SLC52A3: variants seen among roughly 807,000 people sequenced by gnomAD.
SLC52A3 encodes solute carrier family 52 member 3, also known as solute carrier family 52, riboflavin transporter, member 3.
In SLC52A3, 20 loss-of-function variants were observed where a neutral mutation model predicts 29.5. The ratio of observed to expected loss-of-function variants is 0.68; its 90% CI spans 0.48 to 0.99. The LOEUF (loss-of-function observed/expected upper bound fraction) is 0.99. SLC52A3 is among the 50% of genes least tolerant of loss of function. The probability of loss-of-function intolerance (pLI) is 0.00; values close to 1 mark genes in which losing one functional copy is unlikely to be tolerated. For missense variants in SLC52A3, 548 were observed against 612.9 expected (o/e 0.89, Z 1.12); for synonymous variants, 301 against 271.0 (o/e 1.11, Z -1.09).
In SLC52A3 at chr20:763,464, C is replaced by G. The variant is rs374673660; in HGVS notation, c.1073+34G>C. 2.9e-5 allele frequency: 47 copies of G among 1,613,256 alleles called. 1 individual carries two copies. Among genetic ancestry groups the G allele is most frequent in the African/African-American group, 2.8e-4 (21 of 75,038 alleles). On this transcript the variant is annotated intron_variant, in intron 3 of 4. Coordinates refer to ENST00000645534, the MANE Select transcript of SLC52A3 (RefSeq NM_033409.4). ...TGGGTTCTGAAATGAAGTGTTCCCC[C>G]ACTAGGATTCCCTAGGACCAGATGA...
Position 765,615 on chromosome 20 carries a change from CGATGTTGGCCAGCTG to C in SLC52A3, c.145_159del (p.Gln49_Ile53del). ...TGGAGCAGGGTGACCAGGAGGGGCCCGATGTTGGCCAGCTGGATGACCACCGTGAGGTAGGAGGGC... is the reference window on the plus strand; with the variant it reads ...TGGAGCAGGGTGACCAGGAGGGGCCCGATGACCACCGTGAGGTAGGAGGGC... On this transcript the variant is annotated inframe_deletion, in exon 2 of 5. Transcript: ENST00000645534. The surrounding 1 kb of genome is among the most constrained non-coding windows in gnomAD (Gnocchi z 6.6). 1 of 1,601,120 alleles carries C rather than the reference CGATGTTGGCCAGCTG, an allele frequency of 6.2e-7. No individual in the cohort carries two copies. The highest frequency in any genetic ancestry group is 8.5e-7 in the Non-Finnish European group (1 of 1,174,748).
rs1986582046 is a variant in SLC52A3, at chr20:763,896, G to A, written c.675C>T (p.Leu225=). 1 of 1,614,134 alleles carries A rather than the reference G, an allele frequency of 6.2e-7. No homozygotes were observed. The highest frequency in any genetic ancestry group is 8.5e-7 in the Non-Finnish European group (1 of 1,180,002). ...AGCAGGCCATCATGATGGATAGGAGGAGGAAGAAGACCAGGGGTGAGAAGT... is the reference window on the plus strand; with the variant it reads ...AGCAGGCCATCATGATGGATAGGAGAAGGAAGAAGACCAGGGGTGAGAAGT... ...PAHFSPLVFF[L]LLSIMMACCL... The change falls in exon 3 of 5, where the codon CTC becomes CTT. Residue 225 remains leucine (L), a synonymous_variant. Coordinates refer to ENST00000645534, the MANE Select transcript of SLC52A3 (RefSeq NM_033409.4).
chr20:760,944 G>C lies in SLC52A3; in HGVS notation c.*82C>G, dbSNP rs1986437136. On this transcript the variant is annotated 3_prime_UTR_variant, in exon 5 of 5. Transcript: ENST00000645534. The surrounding 1 kb of genome is among the most constrained non-coding windows in gnomAD (Gnocchi z 4.9). Reference sequence around the variant, plus strand: ...TCAATTACTCAGGCTCTGTCTCTCTGTTCCTGCCCCTTGCTCTGTGACCTG... The same window carrying C: ...TCAATTACTCAGGCTCTGTCTCTCTCTTCCTGCCCCTTGCTCTGTGACCTG... 9.5e-6 allele frequency: 13 copies of C among 1,375,262 alleles called. No individual in the cohort carries two copies. Among genetic ancestry groups the C allele is most frequent in the Non-Finnish European group, 1.3e-5 (13 of 991,796 alleles). The allele number at this position is 1,375,262 out of a possible 1,614,324, so 85.2% of individuals were successfully genotyped here.
At position 765,412 on chromosome 20, in the gene SLC52A3, G is replaced by C. The variant is rs749966154; in HGVS notation, c.363C>G (p.Thr121=). Residue 121 remains threonine, a synonymous_variant, in exon 2 of 5, where the codon ACC becomes ACG. Transcript: ENST00000645534. This position sits in a 1 kb window ranked among gnomAD's most constrained non-coding sequence, Gnocchi z 6.6. ...LTFFLALVDC[T]SSVTFLPFMS... ...TGAACGGCAGGAAGGTCACTGAAGA[G>C]GTGCAGTCCACCAGGGCCAGGAAGA... The C allele has an allele frequency of 6.0e-5, 97 of 1,613,888 alleles. 1 individual carries two copies. The Admixed American group carries it at 1.6e-3, about 27-fold the overall frequency.
In SLC52A3 at chr20:765,281, G is replaced by T. The variant is rs1455836978; in HGVS notation, c.494C>A (p.Thr165Asn). ...TGATATCTCAGTGACATTGACGCAGGTAGTGAGACCGGAGCCCTGGGCAAG... is the reference window on the plus strand; with the variant it reads ...TGATATCTCAGTGACATTGACGCAGTTAGTGAGACCGGAGCCCTGGGCAAG... ...VALAQGSGLT[T>N]CVNVTEISDS... The change falls in exon 2 of 5, where the codon ACC becomes AAC. Residue 165 changes from threonine (T) to asparagine (N), a missense_variant. Physicochemically the swap from Thr to Asn is moderately conservative, Grantham distance 65 (BLOSUM62 0). Around this residue, in one of 2 missense-constraint regions of SLC52A3, gnomAD observed 375 missense variants for 471.1 expected, o/e 0.80. Coordinates refer to ENST00000645534, the MANE Select transcript of SLC52A3 (RefSeq NM_033409.4). The surrounding 1 kb of genome is among the most constrained non-coding windows in gnomAD (Gnocchi z 6.6). The T allele has an allele frequency of 1.9e-6, 3 of 1,614,212 alleles. No individual in the cohort carries two copies. The highest frequency in any genetic ancestry group is 2.5e-6 in the Non-Finnish European group (3 of 1,180,044).
At chr20:771,946 A>G (rs1192408557), upstream of SLC52A3, among the ~76,000 whole-genome samples, 1 of 152,214 alleles carries the variant, frequency 6.6e-6, no homozygotes, top group Non-Finnish European at 1.5e-5. Context: ...CGAAGGTGCA[A>G]AATAAACAAG....
chr20:776,853 T>C (rs1035847509), upstream of SLC52A3, among the ~76,000 whole-genome samples: 1 of 103,702 alleles, frequency 9.6e-6, no homozygotes, highest in African/African-American at 3.8e-5. Context: ...GCTGAATCGC[T>C]TTTGGGGGGG....
At chr20:773,344 G>A (rs917975493), upstream of SLC52A3, among the ~76,000 whole-genome samples, 1 of 152,148 alleles carries the variant, frequency 6.6e-6, no homozygotes, top group African/African-American at 2.4e-5. Context: ...CAATCCTGAG[G>A]CTGGCATTAT....
chr20:779,765 T>C (rs540433200), upstream of SLC52A3, among the ~76,000 whole-genome samples: 7 of 152,366 alleles, frequency 4.6e-5, no homozygotes, highest in Non-Finnish European at 8.8e-5. Context: ...AGACCTTATC[T>C]GCACTTCTGT....
intron 1 of SLC52A3, among the ~76,000 whole-genome samples, chr20:774,262 T>C (rs1986942737): frequency 6.6e-6 from 1 of 152,138 alleles, no homozygotes; most frequent in Non-Finnish European, 1.5e-5. Flanking sequence ...GGGTGACCCC[T>C]GGGGCAGTGC....
In SLC52A3 at chr20:765,317, G is replaced by C; in HGVS notation, c.458C>G (p.Ala153Gly). 1 of 1,614,150 alleles carries C rather than the reference G, an allele frequency of 6.2e-7. No homozygotes were observed. The highest frequency in any genetic ancestry group is 8.5e-7 in the Non-Finnish European group (1 of 1,180,006). ...VGEGLSGLLP[A>G]LVALAQGSGL... is the part of the protein sequence containing the mutation. ...GGAGCCCTGGGCAAGAGCCACCAGG[G>C]CGGGCAAGAGGCCGCTGAGTCCTTC... Residue 153 changes from alanine to glycine, a missense_variant, in exon 2 of 5, where the codon GCC becomes GGC. Physicochemically the swap from Ala to Gly is moderately conservative, Grantham distance 60. Coordinates refer to ENST00000645534, the MANE Select transcript of SLC52A3 (RefSeq NM_033409.4). This position sits in a 1 kb window ranked among gnomAD's most constrained non-coding sequence, Gnocchi z 6.6.
upstream of SLC52A3, among the ~76,000 whole-genome samples, chr20:778,165 G>A (rs1250144631): frequency 3.9e-5 from 6 of 151,962 alleles, no homozygotes; most frequent in Admixed American, 6.6e-5. Context: ...ATAGGCGCAC[G>A]CCACCATGCC....
rs1439368488 is a variant in SLC52A3, at chr20:768,302, G to A, written c.-57C>T. 1 of 152,212 alleles carries A rather than the reference G, an allele frequency of 6.6e-6. No individual in the cohort carries two copies. Among genetic ancestry groups the A allele is most frequent in the South Asian group, 2.1e-4 (1 of 4,826 alleles). 9.4% of individuals were successfully genotyped at this position (152,212 alleles called of 1,614,324 possible). A position where few individuals can be genotyped will look rare whatever the true frequency, so the allele number is the denominator to read the frequency against. On this transcript the variant is annotated 5_prime_UTR_variant, in exon 1 of 5. Coordinates refer to ENST00000645534, the MANE Select transcript of SLC52A3 (RefSeq NM_033409.4). ...TAGGTATCAAGTGAACTCACCAGTG[G>A]TATATGCACCTTTTTGTAGAGACAC...
At chr20:761,454 G>A (rs935540801) in intron 4 of SLC52A3, 14 of 744,170 alleles carry the variant, frequency 1.9e-5, no homozygotes, top group Non-Finnish European at 3.0e-5. Context: ...ACGTGCCCAT[G>A]ATCAGGGCAA....
intron 1 of SLC52A3, among the ~76,000 whole-genome samples, chr20:774,590 A>G (rs1469689920): frequency 2.0e-5 from 3 of 152,214 alleles, no homozygotes; most frequent in African/African-American, 7.2e-5. Flanking sequence ...ACAGAGGCAC[A>G]GAGACAGGGA....
intron 1 of SLC52A3, chr20:766,375 A>C (rs1367793784): frequency 2.0e-5 from 3 of 153,560 alleles, no homozygotes; most frequent in Admixed American, 1.9e-4. Flanking sequence ...GTTAAATGAA[A>C]ACACGGGGAA....
At chr20:762,604 A>G (rs969745202) in intron 3 of SLC52A3, among the ~76,000 whole-genome samples, 14 of 152,212 alleles carry the variant, frequency 9.2e-5, no homozygotes, top group Non-Finnish European at 1.5e-4. Flanking sequence ...CTTGGATTCC[A>G]TGACTCAGAT....
At chr20:774,891 CG>C (rs1986964922) in intron 1 of SLC52A3, among the ~76,000 whole-genome samples, 1 of 152,250 alleles carries the variant, frequency 6.6e-6, no homozygotes, top group Admixed American at 6.5e-5. Flanking sequence ...CTGTGCTCAC[CG>C]GCTGTGCAAC....
chr20:761,674 G>A, intron 4 of SLC52A3, 27 bp downstream of exon 4: 2 of 1,612,788 alleles, frequency 1.2e-6, no homozygotes, highest in South Asian at 2.2e-5. Flanking sequence ...TACGCAGCGG[G>A]AGCAGCCCCA....
Sources: gnomAD v4.1 joint callset for allele counts (sites outside exome capture counted in the v4.1 genomes callset) on GRCh38, gnomAD v4.1.1 for gene constraint, gnomAD v4.1.1 regional missense constraint, Gnocchi (gnomAD v3.1) non-coding constraint, MANE v1.5 for transcripts, NCBI Gene and HGNC (gene_info 2026-07-23, HGNC 2026-07-21) for gene names.